Variants in ATR observed in about 807,000 individuals in gnomAD.
The protein encoded by ATR is serine/threonine-protein kinase ATR.
ATR carries 142 observed loss-of-function variants against 305.3 expected under a neutral mutation model. The ratio of observed to expected loss-of-function variants is 0.47; its 90% CI spans 0.41 to 0.53. The LOEUF is 0.53. ATR is among the 20% of genes least tolerant of loss of function. The pLI is 0.00. For missense variants in ATR, 2,135 were observed against 3,133.1 expected (o/e 0.68, Z 7.60); for synonymous variants, 1,050 against 1,068.1 (o/e 0.98, Z 0.33).
chr3:142,561,260 T>C lies in ATR; in HGVS notation c.1332A>G (p.Ala444=). The stretch of plus-strand genomic sequence containing the variant: ...CATCATACTCCTCAGTCTGTTTTGG[T>C]GCTCTTTTAGAAGGGTTTAGAGACG... ...LSSSLNPSKR[A]PKQTEEIKHV... The change falls in exon 5 of 47, where the codon GCA becomes GCG. Residue 444 remains alanine (A), a synonymous_variant. Transcript: ENST00000350721. The C allele has an allele frequency of 6.2e-7, 1 of 1,614,020 alleles. No individual in the cohort carries two copies. The highest frequency in any genetic ancestry group is 8.5e-7 in the Non-Finnish European group (1 of 1,179,906).
At chr3:142,451,156 T>G in intron 46 of ATR, 2 of 1,219,066 alleles carry the variant, frequency 1.6e-6, no homozygotes, top group East Asian at 1.1e-4. Flanking sequence ...TCACATCCAC[T>G]GAGGAATCTT....
At chr3:142,547,536 G>C (rs1040575911) in intron 16 of ATR, among the ~76,000 whole-genome samples, 189 bp downstream of exon 16, 2 of 152,118 alleles carry the variant, frequency 1.3e-5, no homozygotes, top group African/African-American at 4.8e-5. Context: ...ACGTGATCTC[G>C]TGTTCATGAT....
chr3:142,514,778 G>A lies in ATR; in HGVS notation c.4503+617C>T, dbSNP rs1452711112. ...AGCCGAGATCGCACCACTGCACTCC[G>A]GCTGGGTGGCAAGAGCAAGACTCCG... On this transcript the variant is annotated intron_variant, in intron 25 of 46. Coordinates refer to ENST00000350721, the MANE Select transcript of ATR (RefSeq NM_001184.4). 7.1e-5 allele frequency among the ~76,000 whole-genome samples: 10 copies of A among 140,540 alleles called. No homozygotes were observed. In the East Asian group the frequency reaches 1.0e-3, roughly 14 times the overall value. 92.2% of individuals were successfully genotyped at this position (140,540 alleles called of 152,430 possible). A position where few individuals can be genotyped will look rare whatever the true frequency, so the allele number is the denominator to read the frequency against.
chr3:142,560,538 C>A, intron 5 of ATR, 84 bp from the exon 6 acceptor site: 1 of 1,342,788 alleles, frequency 7.4e-7, no homozygotes, highest in Non-Finnish European at 1.0e-6. Context: ...ATAAAACATA[C>A]TATGTAATAT....
chr3:142,498,474 A>C, intron 32 of ATR, 123 bp downstream of exon 32: 2 of 835,612 alleles, frequency 2.4e-6, no homozygotes, highest in Non-Finnish European at 3.8e-6. Flanking sequence ...AGAATGAAAG[A>C]GCTGTCTAGT....
At chr3:142,564,090 T>C (rs1178985787) in intron 3 of ATR, among the ~76,000 whole-genome samples, 1 of 152,228 alleles carries the variant, frequency 6.6e-6, no homozygotes, top group African/African-American at 2.4e-5. Flanking sequence ...TGAAGGATGA[T>C]ATAATCGTTA....
At position 142,550,115 on chromosome 3, in the gene ATR, T is replaced by C; in HGVS notation, c.2976+17A>G. The C allele has an allele frequency of 6.2e-7, 1 of 1,613,738 alleles. No individual in the cohort carries two copies. Among genetic ancestry groups the C allele is most frequent in the Non-Finnish European group, 8.5e-7 (1 of 1,179,684 alleles). ...ACTGAATTGCAAACCTCAAGTGAACTATATGTTGCAACTTACAGTAAGAAA... is the reference window on the plus strand; with the variant it reads ...ACTGAATTGCAAACCTCAAGTGAACCATATGTTGCAACTTACAGTAAGAAA... On this transcript the variant is annotated intron_variant, in intron 14 of 46. Transcript: ENST00000350721.
At chr3:142,463,533 A>G (rs980447738) in intron 41 of ATR, among the ~76,000 whole-genome samples, 2 of 152,116 alleles carry the variant, frequency 1.3e-5, no homozygotes, top group African/African-American at 4.8e-5. Flanking sequence ...AGTAGCTGGG[A>G]ATACTGGCGT....
chr3:142,538,942 G>A (rs1472047451), intron 18 of ATR, among the ~76,000 whole-genome samples: 2 of 152,044 alleles, frequency 1.3e-5, no homozygotes, highest in Admixed American at 1.3e-4. Context: ...TGTAGAGGTC[G>A]AAATTGGAAT....
intron 41 of ATR, among the ~76,000 whole-genome samples, chr3:142,463,971 T>G (rs1365102445): frequency 6.6e-6 from 1 of 152,180 alleles, no homozygotes; most frequent in African/African-American, 2.4e-5. Context: ...AGACATACAC[T>G]ATGCATCTAC....
chr3:142,537,204 C>T (rs867578785), intron 19 of ATR, among the ~76,000 whole-genome samples: 1 of 151,778 alleles, frequency 6.6e-6, no homozygotes, highest in South Asian at 2.1e-4. Flanking sequence ...AATCTTCCTG[C>T]CTCAGCCTGC....
In ATR at chr3:142,466,477, C is replaced by A; in HGVS notation, c.6744G>T (p.Lys2248Asn). ...CACTAAATGTTGCTTCTTCTACCAG[C>A]TTTTTAAGCATTTTAAAATGAGTGC... ...SMSTHFKMLK[K>N]LVEEATFSEI... The change falls in exon 40 of 47, where the codon AAG becomes AAT. Residue 2248 changes from lysine (K) to asparagine (N), a missense_variant. Around this residue, in one of 9 missense-constraint regions of ATR, gnomAD observed 462 missense variants for 887.6 expected, o/e 0.52. Transcript: ENST00000350721. 6.2e-7 allele frequency: 1 copy of A among 1,613,872 alleles called. No individual in the cohort carries two copies. The highest frequency in any genetic ancestry group is 8.5e-7 in the Non-Finnish European group (1 of 1,179,902).
chr3:142,553,705 A>C lies in ATR; in HGVS notation c.2568T>G (p.His856Gln), dbSNP rs765310204. 6.2e-7 allele frequency: 1 copy of C among 1,612,980 alleles called. No individual in the cohort carries two copies. Among genetic ancestry groups the C allele is most frequent in the Non-Finnish European group, 8.5e-7 (1 of 1,179,114 alleles). Reference protein sequence around the residue: ...FVLRMKEAYTHAQISRNNELK... With the variant: ...FVLRMKEAYTQAQISRNNELK... The stretch of plus-strand genomic sequence containing the variant: ...GCTCATTATTTCTTGATATTTGGGC[A>C]TGTGTATATGCTTCCTTCATTCTTA... The change falls in exon 12 of 47, where the codon CAT becomes CAG. Residue 856 changes from histidine to glutamine, a missense_variant. His to Gln is a conservative substitution (Grantham distance 24). Transcript: ENST00000350721.
chr3:142,484,047 G>A (rs1052536622), intron 36 of ATR, among the ~76,000 whole-genome samples: 1 of 151,980 alleles, frequency 6.6e-6, no homozygotes, highest in African/African-American at 2.4e-5. Context: ...TTAGTTCACA[G>A]TTACTGGCTC....
At position 142,547,950 on chromosome 3, in the gene ATR, AC is replaced by A. The variant is rs778116644; in HGVS notation, c.3172-41del. On this transcript the variant is annotated intron_variant, in intron 15 of 46. Coordinates refer to ENST00000350721, the MANE Select transcript of ATR (RefSeq NM_001184.4). ...TGTTAAAAAAAATTTTTTTCTTCATACTAATATCCTGGAAATAAGTATACTG... is the reference window on the plus strand; with the variant it reads ...TGTTAAAAAAAATTTTTTTCTTCATATAATATCCTGGAAATAAGTATACTG... 3 of 1,556,092 alleles carry A rather than the reference AC, an allele frequency of 1.9e-6. No homozygotes were observed. The South Asian group carries it at 3.4e-5, about 17-fold the overall frequency.
intron 30 of ATR, chr3:142,500,146 A>G: frequency 5.5e-6 from 1 of 180,394 alleles, no homozygotes; most frequent in Admixed American, 5.8e-5. Flanking sequence ...ATTTAAGACA[A>G]AAATACAGGG....
At chr3:142,529,366 T>C (rs1001303370) in intron 21 of ATR, among the ~76,000 whole-genome samples, 1 of 152,148 alleles carries the variant, frequency 6.6e-6, no homozygotes. Context: ...TATGCAACAA[T>C]TACTGAGCTT....
chr3:142,520,919 AGAG>A (rs1389526682), intron 23 of ATR, among the ~76,000 whole-genome samples: 2 of 152,198 alleles, frequency 1.3e-5, no homozygotes, highest in Non-Finnish European at 2.9e-5. Context: ...TCACAGCTAG[AGAG>A]GAGAAGTCAA....
At chr3:142,475,992 T>C (rs955127965) in intron 36 of ATR, among the ~76,000 whole-genome samples, 9 of 152,224 alleles carry the variant, frequency 5.9e-5, no homozygotes, top group African/African-American at 2.2e-4. Flanking sequence ...TTCTGGATAT[T>C]AGCCCTTCGT....
Sources: allele counts gnomAD v4.1 joint callset (sites outside exome capture counted in the v4.1 genomes callset), GRCh38; gene constraint gnomAD v4.1.1; regional missense constraint gnomAD v4.1.1; transcripts MANE v1.5; gene names NCBI Gene and HGNC (gene_info 2026-07-23, HGNC 2026-07-21).